Variants in SCART1 observed in about 807,000 individuals in gnomAD.
SCART1 encodes scavenger receptor family member expressed on T cells 1, also known as scavenger receptor cysteine-rich domain-containing protein SCART1.
SCART1 carries 62 observed loss-of-function variants against 36.2 expected under a neutral mutation model. That is an observed-to-expected ratio of 1.71 (90% CI 1.40 to 2.12). SCART1 has a LOEUF of 2.12. SCART1 is among the 30% of genes most tolerant of loss of function. The probability of loss-of-function intolerance (pLI) is 0.00; values close to 1 mark genes in which losing one functional copy is unlikely to be tolerated. For synonymous variants in SCART1, 487 were observed against 238.7 expected, an observed-to-expected ratio of 2.04 and a Z score of -9.59; for missense variants, 1,041 against 540.5, an observed-to-expected ratio of 1.93 and a Z score of -9.18.
At chr10:133,455,348 G>A (rs991475133) in intron 1 of SCART1, among the ~76,000 whole-genome samples, 1 of 152,144 alleles carries the variant, frequency 6.6e-6, no homozygotes, top group Admixed American at 6.5e-5. Flanking sequence ...GAGGCTGGGG[G>A]GTGTGGAGGG....
At chr10:133,455,775 C>T (rs1220994449) in intron 1 of SCART1, among the ~76,000 whole-genome samples, 2 of 151,828 alleles carry the variant, frequency 1.3e-5, no homozygotes, top group African/African-American at 4.8e-5. Flanking sequence ...GGTGGTTTTC[C>T]TGGATACTCA....
chr10:133,465,037 G>C (rs1363905283), intron 7 of SCART1, 69 bp from the exon 8 acceptor site: 1 of 701,080 alleles, frequency 1.4e-6, no homozygotes, highest in African/African-American at 1.7e-5. Flanking sequence ...GGGGTCACTA[G>C]GATCCACAGC....
intron 6 of SCART1, among the ~76,000 whole-genome samples, chr10:133,462,156 G>A (rs557654237): frequency 1.0e-3 from 156 of 152,352 alleles, no homozygotes; most frequent in African/African-American, 3.7e-3. Context: ...TCCCACGTGT[G>A]GGCAGGTGGA....
At chr10:133,455,439 G>A (rs1198290413) in intron 1 of SCART1, among the ~76,000 whole-genome samples, 1 of 151,976 alleles carries the variant, frequency 6.6e-6, no homozygotes. Flanking sequence ...ACCAGGCAGG[G>A]TCCCCCCTCT....
intron 6 of SCART1, among the ~76,000 whole-genome samples, chr10:133,460,606 G>A (rs1014090691): frequency 9.3e-5 from 14 of 150,650 alleles, no homozygotes; most frequent in South Asian, 2.1e-4. Flanking sequence ...CCCCATCACC[G>A]GTCACCGCAG....
intron 6 of SCART1, among the ~76,000 whole-genome samples, chr10:133,460,577 C>CCA (rs1850690851): frequency 7.4e-6 from 1 of 135,056 alleles, no homozygotes; most frequent in Non-Finnish European, 1.5e-5. Flanking sequence ...ACTGTGTTGC[C>CCA]CAGGCTGGAG....
In SCART1 at chr10:133,467,838, T is replaced by C; in HGVS notation, c.2963-9T>C. On this transcript the variant is annotated splice_polypyrimidine_tract_variant and intron_variant, in intron 11 of 11. Transcript: ENST00000640237. ...TGCTGATTTGGTCACGCGGTGTCTC[T>C]TGCGCCAGTTTCAGGGGAGGTGTCT... 2 of 677,052 alleles carry C rather than the reference T, an allele frequency of 3.0e-6. No individual in the cohort carries two copies. The highest frequency in any genetic ancestry group is 1.5e-5 in the South Asian group (1 of 64,644). The allele number at this position is 677,052 out of a possible 1,614,324, so 41.9% of individuals were successfully genotyped here. A position where few individuals can be genotyped will look rare whatever the true frequency, so the allele number is the denominator to read the frequency against.
chr10:133,457,186 G>A (rs1850627486), intron 2 of SCART1, 93 bp from the exon 3 acceptor site: 2 of 671,182 alleles, frequency 3.0e-6, no homozygotes, highest in Admixed American at 4.8e-5. Flanking sequence ...CCCTGGCTCA[G>A]CCCATCACTG....
At chr10:133,455,432 A>G (rs935184851) in intron 1 of SCART1, among the ~76,000 whole-genome samples, 1 of 152,002 alleles carries the variant, frequency 6.6e-6, no homozygotes, top group Non-Finnish European at 1.5e-5. Flanking sequence ...ATCTTGGACC[A>G]GGCAGGGTCC....
chr10:133,454,685 G>A (rs1361636325), intron 1 of SCART1, among the ~76,000 whole-genome samples: 1 of 152,158 alleles, frequency 6.6e-6, no homozygotes, highest in Non-Finnish European at 1.5e-5. Context: ...GGAGGCAGGG[G>A]AGGGTGCCCT....
chr10:133,457,375 T>G lies in SCART1; in HGVS notation c.482T>G (p.Val161Gly), dbSNP rs188098456. 706 of 701,814 alleles carry G rather than the reference T, an allele frequency of 1.0e-3. 4 individuals are homozygous for G. In the African/African-American group the frequency reaches 0.01, roughly 10 times the overall value. The allele number at this position is 701,814 out of a possible 1,614,324, so 43.5% of individuals were successfully genotyped here. A position where few individuals can be genotyped will look rare whatever the true frequency, so the allele number is the denominator to read the frequency against. ...GTGAATGGGGTGGACCGCCTCTGTGTCCTGCATGTGGAGGAGGCCATGGTG... is the reference window on the plus strand; with the variant it reads ...GTGAATGGGGTGGACCGCCTCTGTGGCCTGCATGTGGAGGAGGCCATGGTG... Residue 161 changes from valine (V) to glycine (G), a missense_variant, in exon 3 of 12, where the codon GTC (valine) becomes GGC (glycine). Transcript: ENST00000640237.
exon 8 of SCART1, chr10:133,465,165 G>A (rs1490935077): frequency 1.4e-6 from 1 of 702,902 alleles, no homozygotes; most frequent in East Asian, 2.7e-5. Flanking sequence ...CTCCTGGCTC[G>A]GCTGCCCAGG....
At position 133,459,343 on chromosome 10, in the gene SCART1, C is replaced by T. The variant is rs543233490; in HGVS notation, c.1285+17C>T. On this transcript the variant is annotated intron_variant, in intron 5 of 11. Transcript: ENST00000640237. Reference sequence around the variant, plus strand: ...TCTGCTCAGGTGGGTGCAGCCAGGACGGTGGACCAGGAGGGTGAGTGAGAG... The same window carrying T: ...TCTGCTCAGGTGGGTGCAGCCAGGATGGTGGACCAGGAGGGTGAGTGAGAG... 43 of 623,390 alleles carry T rather than the reference C, an allele frequency of 6.9e-5. No individual in the cohort carries two copies. The highest frequency in any genetic ancestry group is 2.2e-4 in the African/African-American group (12 of 54,878). 38.6% of individuals were successfully genotyped at this position (623,390 alleles called of 1,614,324 possible). A position where few individuals can be genotyped will look rare whatever the true frequency, so the allele number is the denominator to read the frequency against.
intron 2 of SCART1, 163 bp from the exon 3 acceptor site, chr10:133,457,116 A>G: frequency 1.7e-6 from 1 of 603,388 alleles, no homozygotes; most frequent in Non-Finnish European, 2.9e-6. Flanking sequence ...AGCTGGGCAC[A>G]GGGGTCTCTC....
intron 1 of SCART1, among the ~76,000 whole-genome samples, chr10:133,454,473 C>T (rs1850584269): frequency 6.6e-6 from 1 of 152,122 alleles, no homozygotes; most frequent in African/African-American, 2.4e-5. Flanking sequence ...TGAGGTTGAG[C>T]ATGGGGTCCC....
exon 12 of SCART1, chr10:133,467,935 G>A (rs544652882): frequency 5.7e-6 from 4 of 698,766 alleles, no homozygotes; most frequent in Non-Finnish European, 1.0e-5. Flanking sequence ...GATATGACGA[G>A]GCTGCGTTTC....
At chr10:133,465,511 C>G (rs1278385197) in exon 9 of SCART1, 5 of 520,246 alleles carry the variant, frequency 9.6e-6, no homozygotes, top group Admixed American at 4.1e-5. Context: ...CCCTGCGGAG[C>G]GGTGGGGACG....
intron 3 of SCART1, 159 bp from the exon 4 acceptor site, chr10:133,458,201 G>C (rs1850643345): frequency 2.9e-6 from 2 of 700,436 alleles, no homozygotes; most frequent in African/African-American, 3.5e-5. Context: ...GTGCCGGGTG[G>C]AAGGGCCTGT....
At chr10:133,456,454 G>A (rs988580156) in exon 2 of SCART1, 18 of 702,288 alleles carry the variant, frequency 2.6e-5, no homozygotes, top group Non-Finnish European at 4.2e-5. Flanking sequence ...TTCACAACGT[G>A]TCCTGCCGGG....
Sources: allele counts gnomAD v4.1 joint callset (sites outside exome capture counted in the v4.1 genomes callset), GRCh38; gene constraint gnomAD v4.1.1; transcripts MANE v1.5; gene names NCBI Gene and HGNC (gene_info 2026-07-23, HGNC 2026-07-21).